GRM5: variants seen among roughly 807,000 people sequenced by gnomAD.
GRM5 encodes the protein glutamate metabotropic receptor 5, also known as metabotropic glutamate receptor 5.
GRM5 carries 19 observed loss-of-function variants against 83.1 expected under a neutral mutation model. That is an observed-to-expected ratio of 0.23 (90% confidence interval 0.16 to 0.34). The LOEUF is 0.34. Among genes scored for constraint, GRM5 ranks in the 10% least tolerant of loss-of-function variants. The pLI is 1.00. For missense variants in GRM5, 1,160 were observed against 1,588.3 expected (o/e 0.73, Z 4.58); for synonymous variants, 675 against 633.6 (o/e 1.07, Z -0.98).
intron 3 of GRM5, among the ~76,000 whole-genome samples, chr11:88,702,043 C>T (rs1192745831): frequency 6.6e-6 from 1 of 151,998 alleles, no homozygotes; most frequent in Non-Finnish European, 1.5e-5. Flanking sequence ...CATATTTGAC[C>T]TCCCTTCCTA....
At chr11:88,579,473 T>C (rs1433613436) in intron 7 of GRM5, among the ~76,000 whole-genome samples, 1 of 152,118 alleles carries the variant, frequency 6.6e-6, no homozygotes, top group Non-Finnish European at 1.5e-5. Context: ...GAGGTAGAAC[T>C]GGATATGAGG....
At chr11:88,604,587 G>A in intron 5 of GRM5, 131 bp downstream of exon 5, 1 of 748,394 alleles carries the variant, frequency 1.3e-6, no homozygotes, top group South Asian at 1.8e-5. Flanking sequence ...TTGCTCATTT[G>A]GGATGTCAGG....
chr11:88,577,513 T>C (rs970150440), intron 7 of GRM5, among the ~76,000 whole-genome samples: 4 of 152,154 alleles, frequency 2.6e-5, no homozygotes, highest in Non-Finnish European at 5.9e-5. Flanking sequence ...AGGTAATTGT[T>C]TGTTCCTTTA....
intron 6 of GRM5, among the ~76,000 whole-genome samples, chr11:88,594,408 C>T (rs1462786202): frequency 6.6e-6 from 1 of 152,126 alleles, no homozygotes; most frequent in Non-Finnish European, 1.5e-5. Flanking sequence ...TATTGCAACT[C>T]AGCAACTCAG....
At chr11:88,792,151 T>C (rs947198710) in intron 3 of GRM5, among the ~76,000 whole-genome samples, 1 of 152,066 alleles carries the variant, frequency 6.6e-6, no homozygotes, top group African/African-American at 2.4e-5. Context: ...AAAAATATTG[T>C]AGTGGCATTA....
intron 2 of GRM5, among the ~76,000 whole-genome samples, chr11:89,017,867 A>G (rs1940897442): frequency 1.3e-5 from 2 of 152,204 alleles, no homozygotes; most frequent in Admixed American, 6.5e-5. Flanking sequence ...AAGTGACCCA[A>G]GCATTTAGAT....
Position 88,507,298 on chromosome 11 carries a change from T to C in GRM5, c.*1294A>G, listed in dbSNP as rs926018884. The stretch of plus-strand genomic sequence containing the variant: ...GAAAGACTGTGTGGTTAATATTCAT[T>C]AAGGTTCCTCTTTTTTAGTATTTTG... On this transcript the variant is annotated 3_prime_UTR_variant, in exon 10 of 10. Coordinates refer to ENST00000305447, the MANE Select transcript of GRM5 (RefSeq NM_001143831.3). 2.6e-5 allele frequency: 4 copies of C among 152,248 alleles called. No individual in the cohort carries two copies. The highest frequency in any genetic ancestry group is 9.6e-5 in the African/African-American group (4 of 41,462). 9.4% of individuals were successfully genotyped at this position (152,248 alleles called of 1,614,324 possible).
chr11:88,968,018 T>C (rs1939040043), intron 2 of GRM5, among the ~76,000 whole-genome samples: 2 of 152,156 alleles, frequency 1.3e-5, no homozygotes, highest in South Asian at 4.1e-4. Flanking sequence ...CGAATTTGGA[T>C]GTGATGTCTA....
intron 3 of GRM5, among the ~76,000 whole-genome samples, chr11:88,772,367 T>G (rs560735031): frequency 6.6e-6 from 1 of 152,076 alleles, no homozygotes; most frequent in East Asian, 1.9e-4. Context: ...TTTCTTACAT[T>G]CCTTTTTGAA....
chr11:88,795,394 G>A (rs937666242), intron 3 of GRM5, among the ~76,000 whole-genome samples: 10 of 152,138 alleles, frequency 6.6e-5, no homozygotes, highest in Non-Finnish European at 1.0e-4. Flanking sequence ...GGAAAGGCTT[G>A]AAGTGGACTA....
At chr11:88,976,835 T>C (rs1422295343) in intron 2 of GRM5, among the ~76,000 whole-genome samples, 1 of 148,838 alleles carries the variant, frequency 6.7e-6, no homozygotes, top group African/African-American at 2.5e-5. Flanking sequence ...AGACTTAACT[T>C]CCTCCAACTC....
At chr11:88,802,194 A>G (rs1043366436) in intron 3 of GRM5, among the ~76,000 whole-genome samples, 1 of 152,134 alleles carries the variant, frequency 6.6e-6, no homozygotes, top group Non-Finnish European at 1.5e-5. Flanking sequence ...ACTAAGAAAA[A>G]CACTTCTTCT....
At chr11:88,653,784 T>C (rs1224703418) in intron 3 of GRM5, among the ~76,000 whole-genome samples, 12 of 152,078 alleles carry the variant, frequency 7.9e-5, no homozygotes, top group Admixed American at 7.9e-4. Flanking sequence ...CATTATTTTC[T>C]TTGGCTTTAT....
chr11:88,975,120 T>A (rs910186631), intron 2 of GRM5, among the ~76,000 whole-genome samples: 4 of 152,198 alleles, frequency 2.6e-5, no homozygotes, highest in Non-Finnish European at 1.5e-5. Flanking sequence ...GAACAAGAGA[T>A]ATAAGTTTGG....
At chr11:89,012,654 G>A (rs1373583082) in intron 2 of GRM5, among the ~76,000 whole-genome samples, 1 of 152,158 alleles carries the variant, frequency 6.6e-6, no homozygotes, top group Non-Finnish European at 1.5e-5. Context: ...CGAAGAAGAA[G>A]TAAATGAACA....
At chr11:88,944,164 A>G (rs891061705) in intron 2 of GRM5, among the ~76,000 whole-genome samples, 11 of 152,014 alleles carry the variant, frequency 7.2e-5, no homozygotes, top group African/African-American at 2.7e-4. Context: ...TTACTCTGAA[A>G]GAATAAATGA....
rs1196324942 is a variant in GRM5 at position 88,567,424 on chromosome 11, G to A, written c.2259C>T (p.Ser753=). ...PLGYNGLLIL[S]CTFYAFKTRN... is the part of the protein sequence containing the mutation. ...TGGTCTTGAACGCATAGAAGGTGCAGCTCAAAATCAACAATCCATTGTATC... is the reference window on the plus strand; with the variant it reads ...TGGTCTTGAACGCATAGAAGGTGCAACTCAAAATCAACAATCCATTGTATC... Residue 753 remains serine (S), a synonymous_variant, in exon 8 of 10, where the codon AGC becomes AGT. Coordinates refer to ENST00000305447, the MANE Select transcript of GRM5 (RefSeq NM_001143831.3). The surrounding 1 kb of genome is among the most constrained non-coding windows in gnomAD (Gnocchi z 7.3). 1 of 1,614,050 alleles carries A rather than the reference G, an allele frequency of 6.2e-7. No homozygotes were observed. Among genetic ancestry groups the A allele is most frequent in the Non-Finnish European group, 8.5e-7 (1 of 1,179,896 alleles).
chr11:88,566,072 T>A (rs537646089), intron 8 of GRM5, among the ~76,000 whole-genome samples: 1 of 152,370 alleles, frequency 6.6e-6, no homozygotes, highest in South Asian at 2.1e-4. Flanking sequence ...AATCTACATA[T>A]CTTCCATTTA....
chr11:89,064,923 AGAGAGAGAGAGAGAGAGG>A (rs1445064445), intron 1 of GRM5, among the ~76,000 whole-genome samples: 36 of 64,422 alleles, frequency 5.6e-4, no homozygotes, highest in African/African-American at 1.8e-3. Flanking sequence ...TGTGAGAGAG[AGAGAGAGAGAGAGAGAGG>A]GAGAGAGAGA....
Sources: allele counts gnomAD v4.1 joint callset (sites outside exome capture counted in the v4.1 genomes callset), GRCh38; gene constraint gnomAD v4.1.1; non-coding constraint Gnocchi (gnomAD v3.1); transcripts MANE v1.5; gene names NCBI Gene and HGNC (gene_info 2026-07-23, HGNC 2026-07-21).